Variants in SMG6 observed in about 807,000 individuals in gnomAD.
SMG6 encodes SMG6 nonsense mediated mRNA decay factor, also known as telomerase-binding protein EST1A.
Under a neutral mutation model 142.2 loss-of-function variants are expected in SMG6, and 66 were observed. The ratio of observed to expected loss-of-function variants is 0.46; its 90% CI spans 0.38 to 0.57. SMG6 has a LOEUF of 0.57. Ranked by LOEUF, SMG6 falls within the 20% of genes least tolerant of loss-of-function variation. SMG6 has a pLI of 0.00. For synonymous variants in SMG6, 779 were observed against 702.4 expected (o/e 1.11, Z -1.72); for missense variants, 1,793 against 1,832.0 (o/e 0.98, Z 0.39).
intron 6 of SMG6, among the ~76,000 whole-genome samples, chr17:2,287,544 G>T (rs368680232): frequency 1.3e-5 from 2 of 152,082 alleles, no homozygotes; most frequent in African/African-American, 4.8e-5. Context: ...CGTTTTCTGG[G>T]TATGTACCCA....
intron 10 of SMG6, among the ~76,000 whole-genome samples, chr17:2,199,536 G>A (rs1403033694): frequency 1.3e-5 from 2 of 150,262 alleles, no homozygotes; most frequent in African/African-American, 4.9e-5. Flanking sequence ...CCAAGACCCT[G>A]TCTCAAAAAA....
chr17:2,279,973 T>A (rs776240257), intron 8 of SMG6, among the ~76,000 whole-genome samples: 1 of 152,300 alleles, frequency 6.6e-6, no homozygotes, highest in South Asian at 2.1e-4. Context: ...CTTGCCTTTA[T>A]CACAGTACTT....
At position 2,078,694 on chromosome 17, in the gene SMG6, A is replaced by G. The variant is rs114770037; in HGVS notation, c.3681+3116T>C. ...GCCACTGAATACATATCTGCTGAGC[A>G]CTAACTCAGCTTGCTGAGACTAAGG... is the stretch of plus-strand genomic sequence containing the variant. On this transcript the variant is annotated intron_variant, in intron 15 of 18. Coordinates refer to ENST00000263073, the MANE Select transcript of SMG6 (RefSeq NM_017575.5). Among the ~76,000 whole-genome samples the G allele has an allele frequency of 1.9e-3, 285 of 152,254 alleles. 2 individuals are homozygous for G. Among genetic ancestry groups the G allele is most frequent in the African/African-American group, 5.8e-3 (241 of 41,556 alleles).
intron 9 of SMG6, among the ~76,000 whole-genome samples, chr17:2,239,306 T>C (rs2073745821): frequency 6.6e-6 from 1 of 152,194 alleles, no homozygotes; most frequent in Admixed American, 6.5e-5. Context: ...ATAATACTTA[T>C]GTAATAATTA....
intron 10 of SMG6, among the ~76,000 whole-genome samples, chr17:2,234,459 C>T (rs1362843482): frequency 3.3e-5 from 5 of 151,450 alleles, no homozygotes; most frequent in African/African-American, 4.9e-5. Flanking sequence ...GACAGGGTTT[C>T]GCCATGTTGG....
intron 8 of SMG6, among the ~76,000 whole-genome samples, chr17:2,267,477 G>A (rs1052000937): frequency 2.0e-5 from 3 of 151,904 alleles, no homozygotes; most frequent in South Asian, 2.1e-4. Context: ...GGATTATACC[G>A]GCGTTGAGTC....
intron 12 of SMG6, among the ~76,000 whole-genome samples, chr17:2,176,721 C>T (rs892888131): frequency 6.6e-6 from 1 of 152,116 alleles, no homozygotes; most frequent in South Asian, 2.1e-4. Context: ...ACTGGCCCAA[C>T]CCCACAGAAC....
At chr17:2,125,100 G>C (rs1182465340) in intron 13 of SMG6, among the ~76,000 whole-genome samples, 1 of 152,192 alleles carries the variant, frequency 6.6e-6, no homozygotes, top group East Asian at 1.9e-4. Context: ...ATTCCTGCCA[G>C]AGCAGAGTCT....
At chr17:2,293,828 T>C (rs2075091566) in intron 4 of SMG6, among the ~76,000 whole-genome samples, 1 of 152,328 alleles carries the variant, frequency 6.6e-6, no homozygotes, top group South Asian at 2.1e-4. Flanking sequence ...CACTGAATTG[T>C]ACCACGGCAT....
At chr17:2,147,812 T>G (rs1281925386) in intron 13 of SMG6, among the ~76,000 whole-genome samples, 1 of 152,206 alleles carries the variant, frequency 6.6e-6, no homozygotes, top group Non-Finnish European at 1.5e-5. Flanking sequence ...TGTGAGAATG[T>G]GAAGAAACTG....
At chr17:2,298,857 C>T in intron 2 of SMG6, 49 bp downstream of exon 2, 1 of 1,550,030 alleles carries the variant, frequency 6.5e-7, no homozygotes, top group Non-Finnish European at 8.8e-7. Flanking sequence ...AATCTATACA[C>T]CTCCGGCTGA....
At chr17:2,125,906 T>C (rs948694995) in intron 13 of SMG6, among the ~76,000 whole-genome samples, 8 of 147,722 alleles carry the variant, frequency 5.4e-5, no homozygotes, top group African/African-American at 1.8e-4. Flanking sequence ...TGAGCTGACA[T>C]TGTGCCACTG....
At chr17:2,207,117 C>CAAAAAAA (rs34276256) in intron 10 of SMG6, among the ~76,000 whole-genome samples, 1,426 of 78,804 alleles carry the variant, frequency 0.018, 11 homozygotes, top group East Asian at 0.023. Flanking sequence ...ACTAAAAATC[C>CAAAAAAA]AAAAAAAAAA....
chr17:2,137,945 A>C (rs2070357183), intron 13 of SMG6, among the ~76,000 whole-genome samples: 1 of 152,182 alleles, frequency 6.6e-6, no homozygotes, highest in African/African-American at 2.4e-5. Flanking sequence ...AGCCCTCATA[A>C]GACATGAGCA....
chr17:2,205,490 A>C (rs923500528), intron 10 of SMG6, among the ~76,000 whole-genome samples: 4 of 152,232 alleles, frequency 2.6e-5, no homozygotes, highest in Non-Finnish European at 4.4e-5. Context: ...AAAATGAGAT[A>C]ACATTAAAGT....
At chr17:2,142,424 C>T (rs369404984) in intron 13 of SMG6, among the ~76,000 whole-genome samples, 2 of 151,946 alleles carry the variant, frequency 1.3e-5, no homozygotes, top group Non-Finnish European at 2.9e-5. Flanking sequence ...GCAGGAGGAT[C>T]GCTGGAGCCC....
intron 8 of SMG6, among the ~76,000 whole-genome samples, chr17:2,252,015 C>T (rs1000841457): frequency 2.6e-5 from 4 of 151,688 alleles, no homozygotes; most frequent in East Asian, 1.9e-4. Flanking sequence ...GCAGGAGAAT[C>T]GCTTGAACCA....
At position 2,300,461 on chromosome 17, in the gene SMG6, A is replaced by T. The variant is rs1156800932; in HGVS notation, c.292T>A (p.Cys98Ser). ...ENGTQPVKDVCKELNNQEQNG... is the reference protein window; with the variant it reads ...ENGTQPVKDVSKELNNQEQNG... Reference sequence around the variant, plus strand: ...TGCTCTTGGTTGTTCAGTTCCTTGCAGACATCTTTAACGGGCTGTGTACCA... The same window carrying T: ...TGCTCTTGGTTGTTCAGTTCCTTGCTGACATCTTTAACGGGCTGTGTACCA... The change falls in exon 2 of 19, where the codon TGC becomes AGC. Residue 98 changes from cysteine to serine, a missense_variant. Around this residue, in one of 3 missense-constraint regions of SMG6, gnomAD observed 1,597 missense variants for 1,584.6 expected, o/e 1.01. Coordinates refer to ENST00000263073, the MANE Select transcript of SMG6 (RefSeq NM_017575.5). The T allele has an allele frequency of 5.0e-6, 8 of 1,614,028 alleles. No homozygotes were observed. Among genetic ancestry groups the T allele is most frequent in the Admixed American group, 1.7e-5 (1 of 59,994 alleles).
chr17:2,065,313 G>A (rs903550386), intron 17 of SMG6, among the ~76,000 whole-genome samples, 155 bp downstream of exon 17: 4 of 152,110 alleles, frequency 2.6e-5, no homozygotes, highest in Non-Finnish European at 5.9e-5. Flanking sequence ...ACTGTGCTAC[G>A]AGTGACTTAG....
Sources: allele counts gnomAD v4.1 joint callset (sites outside exome capture counted in the v4.1 genomes callset), GRCh38; gene constraint gnomAD v4.1.1; regional missense constraint gnomAD v4.1.1; transcripts MANE v1.5; gene names NCBI Gene and HGNC (gene_info 2026-07-23, HGNC 2026-07-21).